Variants in ADAMTS17 observed in about 807,000 individuals in gnomAD.
ADAMTS17 encodes the protein ADAM metallopeptidase with thrombospondin type 1 motif 17, also known as A disintegrin and metalloproteinase with thrombospondin motifs 17.
A neutral mutation model predicts 141.5 loss-of-function variants in ADAMTS17; 113 were observed. That is an observed-to-expected ratio of 0.80 (90% CI 0.69 to 0.93). The LOEUF (loss-of-function observed/expected upper bound fraction) is 0.93. Ranked by LOEUF, ADAMTS17 falls within the 40% of genes least tolerant of loss-of-function variation. ADAMTS17 has a pLI of 0.00. For missense variants in ADAMTS17, 1,659 were observed against 1,517.9 expected, an observed-to-expected ratio of 1.09 and a Z score of -1.54; for synonymous variants, 768 against 630.6, an observed-to-expected ratio of 1.22 and a Z score of -3.27.
chr15:99,998,953 C>T (rs1310383985), intron 18 of ADAMTS17, among the ~76,000 whole-genome samples: 1 of 152,222 alleles, frequency 6.6e-6, no homozygotes, highest in African/African-American at 2.4e-5. Flanking sequence ...CTGAATCCCG[C>T]CCCAAACCAA....
At chr15:100,151,849 C>T (rs1480679122) in intron 10 of ADAMTS17, among the ~76,000 whole-genome samples, 3 of 152,236 alleles carry the variant, frequency 2.0e-5, no homozygotes, top group African/African-American at 7.2e-5. Context: ...CACCCCTCAC[C>T]CATAAAACCA....
chr15:100,029,334 T>A (rs1435776), intron 18 of ADAMTS17, among the ~76,000 whole-genome samples: 10,940 of 152,290 alleles, frequency 0.072, 1,227 homozygotes, highest in African/African-American at 0.24. Context: ...TCGGTTTCCT[T>A]TCCTGACTGT....
intron 8 of ADAMTS17, among the ~76,000 whole-genome samples, chr15:100,189,241 G>C (rs1047932961): frequency 3.3e-5 from 5 of 152,240 alleles, no homozygotes; most frequent in African/African-American, 1.2e-4. Flanking sequence ...TCTGAACTAG[G>C]CATGGGATGT....
In ADAMTS17 at chr15:100,341,056, C is replaced by A. The variant is rs1200624014; in HGVS notation, c.433G>T (p.Gly145Cys). Residue 145 changes from glycine to cysteine, a missense_variant, in exon 2 of 22, where the codon GGC (glycine) becomes TGC (cysteine). Coordinates refer to ENST00000268070, the MANE Select transcript of ADAMTS17 (RefSeq NM_139057.4). ...PGSLVSLSACGAAGGLVGLIQ... is the reference protein window; with the variant it reads ...PGSLVSLSACCAAGGLVGLIQ... The stretch of plus-strand genomic sequence containing the variant: ...GGCAGTACCAGGCCGCCGGCGGCGC[C>A]GCAGGCGCTGAGCGAGACGAGGGAG... The A allele has an allele frequency of 6.6e-7, 1 of 1,523,552 alleles. No individual in the cohort carries two copies. Among genetic ancestry groups the A allele is most frequent in the Non-Finnish European group, 8.8e-7 (1 of 1,140,574 alleles). 94.4% of individuals were successfully genotyped at this position (1,523,552 alleles called of 1,614,324 possible). A position where few individuals can be genotyped will look rare whatever the true frequency, so the allele number is the denominator to read the frequency against.
At chr15:100,110,469 T>C (rs982249091) in intron 13 of ADAMTS17, among the ~76,000 whole-genome samples, 1 of 151,862 alleles carries the variant, frequency 6.6e-6, no homozygotes, top group Admixed American at 6.6e-5. Flanking sequence ...TTTCACCGTG[T>C]TAGCCAGGGT....
chr15:100,030,856 ATG>A (rs2030086017), intron 18 of ADAMTS17, among the ~76,000 whole-genome samples: 1 of 152,212 alleles, frequency 6.6e-6, no homozygotes, highest in Non-Finnish European at 1.5e-5. Flanking sequence ...TGTATTAAAA[ATG>A]TGTGTGTGCA....
intron 8 of ADAMTS17, among the ~76,000 whole-genome samples, chr15:100,185,112 G>T (rs1236483148): frequency 6.6e-6 from 1 of 152,140 alleles, no homozygotes; most frequent in Admixed American, 6.5e-5. Flanking sequence ...TGGACATAGT[G>T]GTCAGCAGTG....
chr15:100,331,148 G>T, intron 2 of ADAMTS17, 94 bp from the exon 3 acceptor site: 1 of 1,521,452 alleles, frequency 6.6e-7, no homozygotes, highest in South Asian at 1.2e-5. Flanking sequence ...ACCTTGCTGT[G>T]ATTTGGTTTT....
chr15:100,152,389 G>A (rs2039210906), intron 10 of ADAMTS17, among the ~76,000 whole-genome samples: 2 of 152,310 alleles, frequency 1.3e-5, no homozygotes, highest in South Asian at 4.1e-4. Flanking sequence ...GTGTGTATGT[G>A]TGTATGGCTA....
At chr15:100,277,013 C>T (rs921843746) in intron 4 of ADAMTS17, among the ~76,000 whole-genome samples, 10 of 151,864 alleles carry the variant, frequency 6.6e-5, no homozygotes, top group African/African-American at 2.2e-4. Context: ...AGGGCTGCTG[C>T]GGTGTGAGCC....
chr15:100,131,304 C>T (rs1010294463), intron 12 of ADAMTS17, among the ~76,000 whole-genome samples: 11 of 146,486 alleles, frequency 7.5e-5, no homozygotes, highest in Admixed American at 1.4e-4. Flanking sequence ...ACCACCATGG[C>T]ACGTGTATAC....
intron 17 of ADAMTS17, 121 bp downstream of exon 17, chr15:100,051,451 T>A: frequency 7.0e-7 from 1 of 1,431,572 alleles, no homozygotes; most frequent in South Asian, 1.2e-5. Context: ...TGGGATATGG[T>A]TAAATTCCCA....
chr15:100,332,323 G>A (rs2046077767), intron 2 of ADAMTS17, among the ~76,000 whole-genome samples: 1 of 152,252 alleles, frequency 6.6e-6, no homozygotes, highest in African/African-American at 2.4e-5. Flanking sequence ...GATCTGCAGA[G>A]CTCCATCACA....
At chr15:100,272,603 A>G (rs1277380567) in intron 4 of ADAMTS17, among the ~76,000 whole-genome samples, 1 of 144,464 alleles carries the variant, frequency 6.9e-6, no homozygotes, top group Non-Finnish European at 1.5e-5. Context: ...TGTAAGATTT[A>G]GGGTTTTCTA....
chr15:100,111,668 T>C (rs898518284), intron 13 of ADAMTS17, among the ~76,000 whole-genome samples: 1 of 152,264 alleles, frequency 6.6e-6, no homozygotes, highest in African/African-American at 2.4e-5. Context: ...GACTGAAATG[T>C]TGACTCAGTA....
intron 20 of ADAMTS17, among the ~76,000 whole-genome samples, chr15:99,992,765 C>T (rs1401174422): frequency 2.0e-5 from 3 of 152,352 alleles, no homozygotes; most frequent in East Asian, 1.9e-4. Flanking sequence ...CCAGGGCACC[C>T]GCGTCCTGCC....
rs780220308 is a variant in ADAMTS17 at position 99,997,480 on chromosome 15, G to A, written c.2701C>T (p.Arg901Trp). The change falls in exon 19 of 22, where the codon CGG (arginine) becomes TGG (tryptophan). Residue 901 changes from arginine to tryptophan, a missense_variant. Coordinates refer to ENST00000268070, the MANE Select transcript of ADAMTS17 (RefSeq NM_139057.4). This position sits in a 1 kb window ranked among gnomAD's most constrained non-coding sequence, Gnocchi z 4.7. ...QLQNGTHVATRPLYCPGPRPA... is the reference protein window; with the variant it reads ...QLQNGTHVATWPLYCPGPRPA... ...CGGGGGCCCGGGCAGTAGAGGGGCC[G>A]CGTAGCGACGTGTGTGCCGTTCTGC... The A allele has an allele frequency of 3.3e-5, 53 of 1,613,410 alleles. No homozygotes were observed. Among genetic ancestry groups the A allele is most frequent in the Admixed American group, 3.0e-4 (18 of 59,988 alleles).
rs116956639 is a variant in ADAMTS17 at position 100,277,957 on chromosome 15, T to G, written c.789+3272A>C. On this transcript the variant is annotated intron_variant, in intron 4 of 21. Coordinates refer to ENST00000268070, the MANE Select transcript of ADAMTS17 (RefSeq NM_139057.4). ...ACGTGCAATGGGATACTACTCATCC[T>G]TAAAAAGGAAAGCCATCCTGACACA... Among the ~76,000 whole-genome samples the G allele has an allele frequency of 4.2e-3, 647 of 152,368 alleles. 4 individuals are homozygous for G. The highest frequency in any genetic ancestry group is 7.2e-3 in the Non-Finnish European group (492 of 68,038).
chr15:100,033,174 T>TTC (rs1567697332), intron 18 of ADAMTS17, among the ~76,000 whole-genome samples: 1 of 152,152 alleles, frequency 6.6e-6, no homozygotes, highest in African/African-American at 2.4e-5. Flanking sequence ...TTTATTTTTT[T>TTC]CCCAAGCCAT....
Sources: gnomAD v4.1 joint callset for allele counts (sites outside exome capture counted in the v4.1 genomes callset) on GRCh38, gnomAD v4.1.1 for gene constraint, Gnocchi (gnomAD v3.1) non-coding constraint, MANE v1.5 for transcripts, NCBI Gene and HGNC (gene_info 2026-07-23, HGNC 2026-07-21) for gene names.